The following AGMO variants were observed in gnomAD, a reference collection of about 807,000 sequenced individuals.
AGMO encodes the protein alkylglycerol monooxygenase, also known as glyceryl-ether monooxygenase.
Under a neutral mutation model 60.2 loss-of-function variants are expected in AGMO, and 75 were observed. That is an observed-to-expected ratio of 1.25 (90% confidence interval 1.03 to 1.51). The LOEUF (loss-of-function observed/expected upper bound fraction) is 1.51, where lower values mean the gene tolerates loss of function less well. Among genes scored for constraint, AGMO ranks in the 40% most tolerant of loss-of-function variants. AGMO has a pLI of 0.00. For synonymous variants in AGMO, 261 were observed against 177.1 expected, an observed-to-expected ratio of 1.47 and a Z score of -3.76; for missense variants, 763 against 525.5, an observed-to-expected ratio of 1.45 and a Z score of -4.42.
At chr7:15,258,819 G>A (rs1481826738) in intron 12 of AGMO, among the ~76,000 whole-genome samples, 16 of 152,106 alleles carry the variant, frequency 1.1e-4, no homozygotes, top group Non-Finnish European at 2.9e-5. Context: ...ACTCAGAAGA[G>A]CAAAAACAAT....
At chr7:15,158,271 C>G in the AGMO span, among the ~76,000 whole-genome samples, 1 of 152,112 alleles carries the variant, frequency 6.6e-6, no homozygotes, top group African/African-American at 2.4e-5. Flanking sequence ...CCTCCCTTGG[C>G]AATTGTTCTC....
chr7:15,189,559 T>C, the AGMO span, among the ~76,000 whole-genome samples: 112 of 152,218 alleles, frequency 7.4e-4, 1 homozygote, highest in African/African-American at 2.6e-3. Context: ...TTTTTGTTTT[T>C]TGAAGTGAAG....
At chr7:15,429,400 A>G (rs1308878985) in intron 4 of AGMO, among the ~76,000 whole-genome samples, 1 of 152,086 alleles carries the variant, frequency 6.6e-6, no homozygotes, top group Admixed American at 6.6e-5. Flanking sequence ...GAAGAACGCC[A>G]TGTGAAAATA....
intron 12 of AGMO, among the ~76,000 whole-genome samples, chr7:15,297,168 CCTTT>C (rs1239869421): frequency 6.6e-6 from 1 of 152,062 alleles, no homozygotes; most frequent in East Asian, 1.9e-4. Context: ...CACCAGTAAC[CCTTT>C]CTTAGCTGTT....
chr7:15,251,183 T>G (rs1222108722), intron 12 of AGMO, among the ~76,000 whole-genome samples: 1 of 152,138 alleles, frequency 6.6e-6, no homozygotes, highest in Non-Finnish European at 1.5e-5. Context: ...TAGCTATACC[T>G]TTACTTCATG....
At chr7:15,232,274 G>A (rs898714711) in intron 12 of AGMO, among the ~76,000 whole-genome samples, 1 of 152,158 alleles carries the variant, frequency 6.6e-6, no homozygotes, top group Non-Finnish European at 1.5e-5. Flanking sequence ...GGAAGTGGAG[G>A]TGCCACAAGT....
chr7:15,277,090 C>G (rs1173333144), intron 12 of AGMO, among the ~76,000 whole-genome samples: 2 of 151,628 alleles, frequency 1.3e-5, no homozygotes, highest in African/African-American at 4.8e-5. Context: ...GGTGGATTAC[C>G]CGAGATCAGG....
intron 12 of AGMO, among the ~76,000 whole-genome samples, chr7:15,211,176 T>TTA (rs1318745548): frequency 1.3e-5 from 2 of 152,072 alleles, no homozygotes; most frequent in Non-Finnish European, 2.9e-5. Flanking sequence ...AATGGGAGTA[T>TTA]TAGCTTCCCT....
At chr7:15,341,757 C>A (rs1781855143) in intron 12 of AGMO, among the ~76,000 whole-genome samples, 1 of 152,086 alleles carries the variant, frequency 6.6e-6, no homozygotes, top group Non-Finnish European at 1.5e-5. Flanking sequence ...CACAGTTGCA[C>A]ATGACTGGGG....
At chr7:15,260,183 C>G (rs1031825999) in intron 12 of AGMO, among the ~76,000 whole-genome samples, 2 of 148,254 alleles carry the variant, frequency 1.3e-5, no homozygotes, top group Admixed American at 1.4e-4. Flanking sequence ...GATCACACAA[C>G]TGCACTCCAG....
intron 12 of AGMO, among the ~76,000 whole-genome samples, chr7:15,300,148 G>A (rs1458696946): frequency 1.3e-5 from 2 of 152,028 alleles, no homozygotes; most frequent in Non-Finnish European, 2.9e-5. Flanking sequence ...GTTGATACTT[G>A]GAAAGATAGC....
chr7:15,257,978 C>T (rs943832690), intron 12 of AGMO, among the ~76,000 whole-genome samples: 3 of 152,134 alleles, frequency 2.0e-5, no homozygotes, highest in South Asian at 4.1e-4. Context: ...ACCGCATTTT[C>T]AATGATCTAT....
chr7:15,249,943 T>A (rs1249796312), intron 12 of AGMO, among the ~76,000 whole-genome samples: 1 of 152,218 alleles, frequency 6.6e-6, no homozygotes, highest in Non-Finnish European at 1.5e-5. Context: ...GTTTTAAATC[T>A]TTACTTAGAA....
At chr7:15,354,441 C>T (rs1421044282) in intron 12 of AGMO, among the ~76,000 whole-genome samples, 1,405 of 14,944 alleles carry the variant, frequency 0.094, 205 homozygotes, top group Admixed American at 0.13. Context: ...TGTGTGTATA[C>T]ACACGTGTGT....
chr7:15,352,091 C>T (rs755522848), intron 12 of AGMO, among the ~76,000 whole-genome samples: 1 of 152,252 alleles, frequency 6.6e-6, no homozygotes, highest in South Asian at 2.1e-4. Context: ...AACAAATGCT[C>T]TTTTACCATT....
At chr7:15,153,526 A>G in the AGMO span, among the ~76,000 whole-genome samples, 2 of 152,198 alleles carry the variant, frequency 1.3e-5, no homozygotes, top group South Asian at 2.1e-4. Flanking sequence ...GTATAAGGTA[A>G]GAGATACGGA....
At chr7:15,346,302 T>C (rs1782029059) in intron 12 of AGMO, among the ~76,000 whole-genome samples, 1 of 152,128 alleles carries the variant, frequency 6.6e-6, no homozygotes, top group African/African-American at 2.4e-5. Flanking sequence ...ATCACTCAAA[T>C]TCCATTGGGA....
At chr7:15,362,496 A>G (rs904396190) in intron 12 of AGMO, among the ~76,000 whole-genome samples, 5 of 152,168 alleles carry the variant, frequency 3.3e-5, no homozygotes, top group African/African-American at 1.2e-4. Flanking sequence ...TAATTTATCA[A>G]TTTCTTCCTA....
intron 12 of AGMO, among the ~76,000 whole-genome samples, chr7:15,314,762 G>T (rs940888334): frequency 1.3e-5 from 2 of 152,166 alleles, no homozygotes; most frequent in Non-Finnish European, 2.9e-5. Flanking sequence ...ATAGAATTAA[G>T]CTTATGAATC....
Sources: gnomAD v4.1 joint callset for allele counts (sites outside exome capture counted in the v4.1 genomes callset) on GRCh38, gnomAD v4.1.1 for gene constraint, MANE v1.5 for transcripts, NCBI Gene and HGNC (gene_info 2026-07-23, HGNC 2026-07-21) for gene names.